Variants in ZNHIT6 observed in about 807,000 individuals in gnomAD.
ZNHIT6 encodes the protein zinc finger HIT-type containing 6, also known as box C/D snoRNA protein 1.
ZNHIT6 carries 45 observed loss-of-function variants against 57.2 expected under a neutral mutation model. That is an observed-to-expected ratio of 0.79 (90% CI 0.62 to 1.01). ZNHIT6 has a LOEUF of 1.01. Ranked by LOEUF, ZNHIT6 falls within the 50% of genes least tolerant of loss-of-function variation. The pLI is 0.00. For synonymous variants in ZNHIT6, 188 were observed against 190.0 expected, an observed-to-expected ratio of 0.99 and a Z score of 0.09; for missense variants, 528 against 567.3, an observed-to-expected ratio of 0.93 and a Z score of 0.70.
Position 85,708,348 on chromosome 1 carries a change from G to A in ZNHIT6, c.-64C>T, listed in dbSNP as rs1469883159. On this transcript the variant is annotated 5_prime_UTR_variant, in exon 1 of 10. Transcript: ENST00000370574. ...TCAATGTGGCTGCTGCACACCAATA[G>A]GAGGAATTACCGGTCGGAATACCTA... The A allele has an allele frequency of 3.3e-6, 5 of 1,520,684 alleles. No individual in the cohort carries two copies. The highest frequency in any genetic ancestry group is 1.4e-5 in the African/African-American group (1 of 72,940). 94.2% of individuals were successfully genotyped at this position (1,520,684 alleles called of 1,614,324 possible).
At chr1:85,697,565 T>A (rs1187709105) in intron 5 of ZNHIT6, among the ~76,000 whole-genome samples, 1 of 152,198 alleles carries the variant, frequency 6.6e-6, no homozygotes, top group African/African-American at 2.4e-5. Flanking sequence ...TTATTTTCTA[T>A]GATCTAGTTA....
chr1:85,673,421 C>T (rs1661619442), intron 8 of ZNHIT6, among the ~76,000 whole-genome samples: 1 of 152,110 alleles, frequency 6.6e-6, no homozygotes, highest in African/African-American at 2.4e-5. Flanking sequence ...TATGGCAAAG[C>T]TAAAACCTGG....
At chr1:85,654,446 T>C (rs985407925) in intron 9 of ZNHIT6, among the ~76,000 whole-genome samples, 6 of 151,948 alleles carry the variant, frequency 3.9e-5, no homozygotes, top group African/African-American at 1.4e-4. Context: ...TTTTCCATGA[T>C]TTTTTTTTAA....
intron 8 of ZNHIT6, among the ~76,000 whole-genome samples, chr1:85,668,987 T>TA (rs199522041): frequency 0.053 from 7,844 of 149,192 alleles, 680 homozygotes; most frequent in African/African-American, 0.18. Flanking sequence ...ACAGAGATTG[T>TA]AAAAAAAAAA....
intron 8 of ZNHIT6, among the ~76,000 whole-genome samples, chr1:85,675,702 C>T (rs966283235): frequency 6.6e-6 from 1 of 152,188 alleles, no homozygotes; most frequent in Non-Finnish European, 1.5e-5. Flanking sequence ...TCTTTCAATA[C>T]AAGGCTATTT....
At chr1:85,696,041 A>T (rs147687809) in intron 5 of ZNHIT6, among the ~76,000 whole-genome samples, 2,181 of 152,322 alleles carry the variant, frequency 0.014, 24 homozygotes, top group Non-Finnish European at 0.021. Context: ...GTCTCAAAAC[A>T]AACAAAAAAC....
Position 85,706,143 on chromosome 1 carries a change from C to A in ZNHIT6, c.850G>T (p.Val284Leu). 6.2e-7 allele frequency: 1 copy of A among 1,613,898 alleles called. No homozygotes were observed. Among genetic ancestry groups the A allele is most frequent in the Non-Finnish European group, 8.5e-7 (1 of 1,179,894 alleles). Reference sequence around the variant, plus strand: ...GAAATATGGTCCGCTGTTCTTGCCACATCTTCCAAAAATCGATAATCTAAA... The same window carrying A: ...GAAATATGGTCCGCTGTTCTTGCCAAATCTTCCAAAAATCGATAATCTAAA... ...LLSDYRFLED[V>L]ARTADHISRD... The change falls in exon 4 of 10, where the codon GTG (valine) becomes TTG (leucine). Residue 284 changes from valine (V) to leucine (L), a missense_variant. Transcript: ENST00000370574.
In ZNHIT6 at chr1:85,650,043, T is replaced by C. The variant is rs1384993244; in HGVS notation, c.*4015A>G. 1.3e-5 allele frequency: 2 copies of C among 152,344 alleles called. No homozygotes were observed. The highest frequency in any genetic ancestry group is 3.9e-4 in the East Asian group (2 of 5,192). 9.4% of individuals were successfully genotyped at this position (152,344 alleles called of 1,614,324 possible). A position where few individuals can be genotyped will look rare whatever the true frequency, so the allele number is the denominator to read the frequency against. On this transcript the variant is annotated 3_prime_UTR_variant, in exon 10 of 10. Coordinates refer to ENST00000370574, the MANE Select transcript of ZNHIT6 (RefSeq NM_017953.4). ...ACAGGGTGCAATGAATGTGTTACTT[T>C]CGTATTCCCAGTAACTACCTTTCCT... is the stretch of plus-strand genomic sequence containing the variant.
chr1:85,667,961 A>AAAAAAAAAAAAAAAAAAAATATAT, intron 8 of ZNHIT6, among the ~76,000 whole-genome samples: 10 of 18,200 alleles, frequency 5.5e-4, no homozygotes, highest in Non-Finnish European at 7.9e-4. Flanking sequence ...AAAAAAAAAA[A>AAAAAAAAAAAAAAAAAAAATATAT]ATATATATAT....
At chr1:85,673,734 T>C (rs974552147) in intron 8 of ZNHIT6, among the ~76,000 whole-genome samples, 5 of 149,930 alleles carry the variant, frequency 3.3e-5, no homozygotes, top group Non-Finnish European at 7.4e-5. Context: ...AGATGTTCTC[T>C]GAATGTACTT....
At chr1:85,670,518 A>G (rs1177306626) in intron 8 of ZNHIT6, among the ~76,000 whole-genome samples, 1 of 152,230 alleles carries the variant, frequency 6.6e-6, no homozygotes. Context: ...TGGAAAAGTC[A>G]CTAACACAAC....
intron 5 of ZNHIT6, among the ~76,000 whole-genome samples, chr1:85,683,591 G>T (rs1661941375): frequency 1.3e-5 from 2 of 151,488 alleles, no homozygotes; most frequent in South Asian, 4.2e-4. Flanking sequence ...CAATTCTTCA[G>T]TATTGCTGAA....
At chr1:85,671,307 A>G (rs1038502580) in intron 8 of ZNHIT6, among the ~76,000 whole-genome samples, 180 of 152,196 alleles carry the variant, frequency 1.2e-3, no homozygotes, top group Non-Finnish European at 1.3e-3. Context: ...GAAGTATAAG[A>G]AATTATATGG....
At chr1:85,666,920 G>A (rs935039824) in intron 8 of ZNHIT6, among the ~76,000 whole-genome samples, 1 of 151,766 alleles carries the variant, frequency 6.6e-6, no homozygotes, top group Non-Finnish European at 1.5e-5. Flanking sequence ...TTTTATTCTC[G>A]CTTTCTTTTA....
At position 85,708,317 on chromosome 1, in the gene ZNHIT6, T is replaced by C. The variant is rs748234667; in HGVS notation, c.-33A>G. 7.7e-6 allele frequency: 12 copies of C among 1,559,970 alleles called. No homozygotes were observed. The highest frequency in any genetic ancestry group is 2.4e-5 in the South Asian group (2 of 84,924). On this transcript the variant is annotated 5_prime_UTR_variant, in exon 1 of 10. In the 5' UTR this introduces an upstream ATG that the reference lacks. Transcript: ENST00000370574. ...CGATCCTTGGCCTCTGCTGCCACTC[T>C]ATCCTTCAATGTGGCTGCTGCACAC... is the stretch of plus-strand genomic sequence containing the variant.
intron 9 of ZNHIT6, among the ~76,000 whole-genome samples, chr1:85,654,303 T>C (rs1660998632): frequency 2.6e-5 from 4 of 152,192 alleles, no homozygotes; most frequent in Admixed American, 2.6e-4. Context: ...CAATTATATT[T>C]TGTGAGGTAA....
chr1:85,685,548 T>C (rs1455968439), intron 5 of ZNHIT6, among the ~76,000 whole-genome samples: 1 of 152,242 alleles, frequency 6.6e-6, no homozygotes, highest in Non-Finnish European at 1.5e-5. Flanking sequence ...TCTGTATTAT[T>C]AAATAAATCT....
chr1:85,691,298 G>A (rs974142378), intron 5 of ZNHIT6, among the ~76,000 whole-genome samples: 4 of 152,116 alleles, frequency 2.6e-5, no homozygotes, highest in African/African-American at 9.7e-5. Context: ...CCTTTAAAAA[G>A]CAAATACAAC....
chr1:85,703,969 G>C (rs1240047092), intron 4 of ZNHIT6, among the ~76,000 whole-genome samples: 1 of 152,076 alleles, frequency 6.6e-6, no homozygotes, highest in Non-Finnish European at 1.5e-5. Context: ...CAAAAGACTT[G>C]AACAGGCACT....
Sources: gnomAD v4.1 joint callset for allele counts (sites outside exome capture counted in the v4.1 genomes callset) on GRCh38, gnomAD v4.1.1 for gene constraint, MANE v1.5 for transcripts, NCBI Gene and HGNC (gene_info 2026-07-23, HGNC 2026-07-21) for gene names.